The following SDK1 variants were observed in gnomAD, a reference collection of about 807,000 sequenced individuals.
SDK1 encodes sidekick cell adhesion molecule 1.
In SDK1, 157 loss-of-function variants were observed where a neutral mutation model predicts 245.5. The ratio of observed to expected loss-of-function variants is 0.64; its 90% CI spans 0.56 to 0.73. The LOEUF (loss-of-function observed/expected upper bound fraction) is 0.73. SDK1 is among the 30% of genes least tolerant of loss of function. SDK1 has a pLI of 0.00. For missense variants in SDK1, 3,583 were observed against 3,002.3 expected (o/e 1.19, Z -4.52); for synonymous variants, 1,647 against 1,278.5 (o/e 1.29, Z -6.15).
rs79797942 is a variant in SDK1 at position 3,679,741 on chromosome 7, A to G, written c.713+37636A>G. Among the ~76,000 whole-genome samples, 607 of 152,324 alleles carry G rather than the reference A, an allele frequency of 4.0e-3. 5 individuals carry two copies. Among genetic ancestry groups the G allele is most frequent in the African/African-American group, 0.013 (527 of 41,574 alleles). ...CTATCAGAATAGCTAAAATAAAGAG[A>G]CAGTAACAACATCAAATACGTCGAG... On this transcript the variant is annotated intron_variant, in intron 4 of 44. Transcript: ENST00000404826.
intron 20 of SDK1, among the ~76,000 whole-genome samples, chr7:4,074,912 ATATATT>A (rs1196024183): frequency 3.9e-5 from 3 of 76,572 alleles, no homozygotes; most frequent in African/African-American, 1.0e-4. Flanking sequence ...ATATATATAT[ATATATT>A]TTTTTTTTTT....
intron 1 of SDK1, among the ~76,000 whole-genome samples, chr7:3,351,807 C>G (rs927973208): frequency 2.6e-5 from 4 of 152,200 alleles, no homozygotes; most frequent in African/African-American, 9.6e-5. Flanking sequence ...AGTTAACATA[C>G]CTTTCTGAAT....
chr7:3,925,242 C>A (rs185591777), intron 5 of SDK1, among the ~76,000 whole-genome samples: 4 of 152,284 alleles, frequency 2.6e-5, no homozygotes, highest in Admixed American at 2.0e-4. Context: ...AAACACAGAG[C>A]ACATCTTCCA....
intron 5 of SDK1, among the ~76,000 whole-genome samples, chr7:3,892,412 C>T (rs1256220858): frequency 2.6e-5 from 4 of 152,166 alleles, no homozygotes; most frequent in Admixed American, 6.6e-5. Context: ...GCAGGAGCTC[C>T]GGAGGGGAAG....
At chr7:3,816,423 G>T (rs1012665184) in intron 4 of SDK1, among the ~76,000 whole-genome samples, 1 of 148,380 alleles carries the variant, frequency 6.7e-6, no homozygotes, top group Non-Finnish European at 1.5e-5. Context: ...TATCACCACC[G>T]ATCCCACAGA....
chr7:3,906,399 T>TGTGTGAGAGA (rs373402283), intron 5 of SDK1, among the ~76,000 whole-genome samples: 2 of 149,920 alleles, frequency 1.3e-5, no homozygotes, highest in African/African-American at 4.9e-5. Context: ...TGTGTGTGTG[T>TGTGTGAGAGA]GAGAGAGAGA....
intron 5 of SDK1, among the ~76,000 whole-genome samples, chr7:3,876,815 G>A (rs952002864): frequency 6.6e-6 from 1 of 152,150 alleles, no homozygotes; most frequent in Non-Finnish European, 1.5e-5. Flanking sequence ...AGTTGGGCTG[G>A]ATTCACCAAA....
chr7:3,349,188 T>TAAA (rs112013810), intron 1 of SDK1, among the ~76,000 whole-genome samples: 15,454 of 150,438 alleles, frequency 0.1, 1,088 homozygotes, highest in African/African-American at 0.19. Flanking sequence ...GGTTGCAGTT[T>TAAA]AAAAAAAAAC....
chr7:3,848,047 A>G (rs1227308986), intron 5 of SDK1, among the ~76,000 whole-genome samples: 1 of 152,264 alleles, frequency 6.6e-6, no homozygotes, highest in Non-Finnish European at 1.5e-5. Flanking sequence ...AAGCACATAC[A>G]CATACAAACC....
At chr7:3,576,036 A>G (rs963337729) in intron 1 of SDK1, among the ~76,000 whole-genome samples, 1 of 152,082 alleles carries the variant, frequency 6.6e-6, no homozygotes, top group African/African-American at 2.4e-5. Flanking sequence ...AGGTAAAGAA[A>G]CAAGAAAAGG....
chr7:3,757,824 C>T (rs1468059638), intron 4 of SDK1, among the ~76,000 whole-genome samples: 1 of 152,162 alleles, frequency 6.6e-6, no homozygotes, highest in Non-Finnish European at 1.5e-5. Context: ...CCTCCCCTCC[C>T]AGGAGACTGG....
rs779688231 is a variant in SDK1 at position 4,174,264 on chromosome 7, A to G, written c.4843A>G (p.Arg1615Gly). The change falls in exon 33 of 45, where the codon AGG becomes GGG. Residue 1615 changes from arginine (R) to glycine (G), a missense_variant. Coordinates refer to ENST00000404826, the MANE Select transcript of SDK1 (RefSeq NM_152744.4). ...ESLNGLLQGY[R>G]IYYRELEYEA... Reference sequence around the variant, plus strand: ...CCTGAATGGCCTTCTTCAGGGATACAGGATCTACTACAGGGAGCTGGAGTA... The same window carrying G: ...CCTGAATGGCCTTCTTCAGGGATACGGGATCTACTACAGGGAGCTGGAGTA... 5 of 1,614,024 alleles carry G rather than the reference A, an allele frequency of 3.1e-6. No individual in the cohort carries two copies. The highest frequency in any genetic ancestry group is 1.7e-5 in the Admixed American group (1 of 60,022).
intron 5 of SDK1, among the ~76,000 whole-genome samples, chr7:3,861,722 C>T (rs1232951901): frequency 6.6e-6 from 1 of 152,126 alleles, no homozygotes; most frequent in African/African-American, 2.4e-5. Flanking sequence ...CATTCTGAAT[C>T]AATTAAGGCT....
chr7:4,215,736 C>T (rs1199692691), intron 38 of SDK1, among the ~76,000 whole-genome samples: 3 of 152,194 alleles, frequency 2.0e-5, no homozygotes, highest in Non-Finnish European at 4.4e-5. Flanking sequence ...AGAGGTACAG[C>T]AGGTGAGGAG....
Position 3,552,029 on chromosome 7 carries a change from C to CTCT in SDK1, c.299-67034_299-67032dup, listed in dbSNP as rs542552208. ...CAACTCCTAAACATGAAAGATTTTACTCTTCTTCTTCTTCTTCTTTTTTTT... is the reference window on the plus strand; with the variant it reads ...CAACTCCTAAACATGAAAGATTTTACTCTTCTTCTTCTTCTTCTTCTTTTTTTT... On this transcript the variant is annotated intron_variant, in intron 1 of 44. Coordinates refer to ENST00000404826, the MANE Select transcript of SDK1 (RefSeq NM_152744.4). Among the ~76,000 whole-genome samples, 406 of 151,680 alleles carry CTCT rather than the reference C, an allele frequency of 2.7e-3. 3 individuals carry two copies. The highest frequency in any genetic ancestry group is 0.018 in the South Asian group (87 of 4,784).
rs1491009419 is a variant in SDK1, at chr7:3,580,999, AAC to A, written c.299-38079_299-38078del. On this transcript the variant is annotated intron_variant, in intron 1 of 44. Transcript: ENST00000404826. ...AAAAAAAAAAAAAAAAAAAAACCAA[AAC>A]AAAACCCTGGAAGACAATCTATGCA... Among the ~76,000 whole-genome samples the A allele has an allele frequency of 1.6e-3, 158 of 97,484 alleles. 10 individuals are homozygous for A. The highest frequency in any genetic ancestry group is 6.3e-3 in the South Asian group (13 of 2,048). 64.0% of individuals were successfully genotyped at this position (97,484 alleles called of 152,430 possible).
At chr7:3,338,344 T>G (rs769591793) in intron 1 of SDK1, 18 of 509,860 alleles carry the variant, frequency 3.5e-5, no homozygotes, top group Non-Finnish European at 6.3e-5. Flanking sequence ...GCTGTTGGCA[T>G]TGTAAACAAA....
intron 14 of SDK1, 115 bp downstream of exon 14, chr7:3,987,437 A>C: frequency 1.8e-6 from 2 of 1,098,758 alleles, no homozygotes; most frequent in Non-Finnish European, 2.7e-6. Context: ...AAAATGCTGT[A>C]ATGCTTTACA....
At chr7:4,012,285 T>A in intron 16 of SDK1, 50 bp downstream of exon 16, 2 of 1,431,076 alleles carry the variant, frequency 1.4e-6, no homozygotes, top group Non-Finnish European at 1.8e-6. Context: ...GAGTTGAGCG[T>A]CGATTTCACA....
Sources: gnomAD v4.1 joint callset for allele counts (sites outside exome capture counted in the v4.1 genomes callset) on GRCh38, gnomAD v4.1.1 for gene constraint, MANE v1.5 for transcripts, NCBI Gene and HGNC (gene_info 2026-07-23, HGNC 2026-07-21) for gene names.